BTBD9: variants seen among roughly 807,000 people sequenced by gnomAD.
The protein encoded by BTBD9 is BTB domain containing 9, also known as BTB/POZ domain-containing protein 9.
A neutral mutation model predicts 64.3 loss-of-function variants in BTBD9; 49 were observed. The observed-to-expected ratio is 0.76, with a 90% CI of 0.61 to 0.97. The LOEUF (loss-of-function observed/expected upper bound fraction) is 0.97, where lower values mean the gene tolerates loss of function less well. Ranked by LOEUF, BTBD9 falls within the 50% of genes least tolerant of loss-of-function variation. The pLI is 0.00. For synonymous variants in BTBD9, 260 were observed against 274.7 expected, an observed-to-expected ratio of 0.95 and a Z score of 0.53; for missense variants, 598 against 762.1, an observed-to-expected ratio of 0.78 and a Z score of 2.53.
intron 6 of BTBD9, among the ~76,000 whole-genome samples, chr6:38,514,789 C>T (rs2127414020): frequency 6.6e-6 from 1 of 152,278 alleles, no homozygotes; most frequent in Non-Finnish European, 1.5e-5. Flanking sequence ...TGTCTGACTT[C>T]ACCATCCACC....
At position 38,459,717 on chromosome 6, in the gene BTBD9, C is replaced by A. The variant is rs1004579273; in HGVS notation, c.1155-114624G>T. On this transcript the variant is annotated intron_variant, in intron 6 of 10. Coordinates refer to ENST00000481247, the MANE Select transcript of BTBD9 (RefSeq NM_001099272.2). ...GTTATTACAATACAGCTTAGCCTAT[C>A]CTTACCAATACACCTTCACAGTTAA... Among the ~76,000 whole-genome samples, 19 of 152,284 alleles carry A rather than the reference C, an allele frequency of 1.2e-4. No individual in the cohort carries two copies. In the East Asian group the frequency reaches 3.5e-3, roughly 28 times the overall value.
chr6:38,278,938 C>T (rs916456189), intron 8 of BTBD9, among the ~76,000 whole-genome samples: 5 of 152,180 alleles, frequency 3.3e-5, no homozygotes, highest in Admixed American at 3.3e-4. Flanking sequence ...GCATACTCTG[C>T]ATTTATCTAT....
In BTBD9 at chr6:38,184,777, C is replaced by CT. The variant is rs1388446753; in HGVS notation, c.1641+7741dup. Among the ~76,000 whole-genome samples the CT allele has an allele frequency of 6.6e-6, 1 of 152,116 alleles. No individual in the cohort carries two copies. The highest frequency in any genetic ancestry group is 1.5e-5 in the Non-Finnish European group (1 of 68,008). ...GAAGGAGCACTTGTTTCATTTTTTT[C>CT]TTTAAGAGTCTGTTTCCCTGTTTTG... On this transcript the variant is annotated intron_variant, in intron 10 of 10. Coordinates refer to ENST00000481247, the MANE Select transcript of BTBD9 (RefSeq NM_001099272.2). This position sits in a 1 kb window ranked among gnomAD's most constrained non-coding sequence, Gnocchi z 4.4.
chr6:38,448,978 T>C (rs575860464), intron 6 of BTBD9, among the ~76,000 whole-genome samples: 3 of 152,272 alleles, frequency 2.0e-5, no homozygotes, highest in Admixed American at 6.5e-5. Context: ...CATGGAGTAA[T>C]AGTGTTTAGT....
At chr6:38,261,549 T>C (rs1342749373) in intron 8 of BTBD9, among the ~76,000 whole-genome samples, 1 of 152,200 alleles carries the variant, frequency 6.6e-6, no homozygotes, top group Non-Finnish European at 1.5e-5. Context: ...GCTTGAACAT[T>C]TTACCCATTT....
At chr6:38,637,597 A>G (rs1562453509) in intron 1 of BTBD9, among the ~76,000 whole-genome samples, 2 of 152,168 alleles carry the variant, frequency 1.3e-5, no homozygotes, top group Non-Finnish European at 2.9e-5. Flanking sequence ...AGATAATCCC[A>G]AGCAAAACTA....
intron 6 of BTBD9, among the ~76,000 whole-genome samples, chr6:38,507,058 C>A (rs1772558260): frequency 6.6e-6 from 1 of 152,192 alleles, no homozygotes; most frequent in Non-Finnish European, 1.5e-5. Flanking sequence ...CTTTCCTAGG[C>A]TCTTCTCACC....
At chr6:38,238,674 C>T (rs867768587) in intron 9 of BTBD9, among the ~76,000 whole-genome samples, 13 of 151,944 alleles carry the variant, frequency 8.6e-5, no homozygotes, top group Non-Finnish European at 1.8e-4. Context: ...GGGGTTTCAC[C>T]GTGTTATCCA....
chr6:38,285,363 A>G (rs1761689218), intron 8 of BTBD9, among the ~76,000 whole-genome samples: 1 of 152,162 alleles, frequency 6.6e-6, no homozygotes, highest in African/African-American at 2.4e-5. Context: ...GAGATTCCCA[A>G]GTTTTTGGCT....
chr6:38,469,417 C>T lies in BTBD9; in HGVS notation c.1154+108183G>A, dbSNP rs1023021544. On this transcript the variant is annotated intron_variant, in intron 6 of 10. Coordinates refer to ENST00000481247, the MANE Select transcript of BTBD9 (RefSeq NM_001099272.2). Reference sequence around the variant, plus strand: ...CACTGCAACCTCCGCCTCCTGGGTTCCAGCAATTCTCCTGCTTCAGCCTCC... The same window carrying T: ...CACTGCAACCTCCGCCTCCTGGGTTTCAGCAATTCTCCTGCTTCAGCCTCC... Among the ~76,000 whole-genome samples the T allele has an allele frequency of 3.4e-5, 5 of 149,132 alleles. No individual in the cohort carries two copies. The East Asian group carries it at 1.0e-3, about 30-fold the overall frequency.
chr6:38,422,717 C>A (rs528006178), intron 6 of BTBD9, among the ~76,000 whole-genome samples: 2 of 152,306 alleles, frequency 1.3e-5, no homozygotes, highest in South Asian at 4.2e-4. Context: ...TCAGAGGTCA[C>A]GATTTGCCTC....
chr6:38,505,967 A>C (rs928701163), intron 6 of BTBD9, among the ~76,000 whole-genome samples: 1 of 107,696 alleles, frequency 9.3e-6, no homozygotes, highest in Non-Finnish European at 1.7e-5. Context: ...GTCTCAACAA[A>C]AAAAAAAAAA....
intron 10 of BTBD9, among the ~76,000 whole-genome samples, chr6:38,187,954 C>T (rs1385937327): frequency 6.6e-6 from 1 of 152,154 alleles, no homozygotes; most frequent in Non-Finnish European, 1.5e-5. Flanking sequence ...AGGCCACTGT[C>T]ACCTGAGAGC....
intron 1 of BTBD9, among the ~76,000 whole-genome samples, chr6:38,621,422 C>T (rs1777977685): frequency 6.6e-6 from 1 of 152,128 alleles, no homozygotes; most frequent in Non-Finnish European, 1.5e-5. Context: ...TTAGCTAATC[C>T]TGACCTTAAC....
chr6:38,400,712 C>T (rs765482319), intron 6 of BTBD9, among the ~76,000 whole-genome samples: 1 of 152,210 alleles, frequency 6.6e-6, no homozygotes, highest in Non-Finnish European at 1.5e-5. Flanking sequence ...AGTTTAGTCT[C>T]TCTCAGAGCA....
At chr6:38,578,815 T>C (rs1408256672) in intron 5 of BTBD9, among the ~76,000 whole-genome samples, 1 of 152,228 alleles carries the variant, frequency 6.6e-6, no homozygotes, top group African/African-American at 2.4e-5. Flanking sequence ...CCCGTGAATG[T>C]AATGCACATA....
intron 6 of BTBD9, among the ~76,000 whole-genome samples, chr6:38,478,128 T>C (rs962893704): frequency 6.6e-6 from 1 of 152,074 alleles, no homozygotes; most frequent in Non-Finnish European, 1.5e-5. Flanking sequence ...TCCTCTCTTT[T>C]CCCTCAACTG....
At chr6:38,471,665 A>T (rs6458055) in intron 6 of BTBD9, among the ~76,000 whole-genome samples, 1 of 152,092 alleles carries the variant, frequency 6.6e-6, no homozygotes, top group Non-Finnish European at 1.5e-5. Flanking sequence ...GATTACAGGT[A>T]TGAGCCACTG....
At chr6:38,314,950 C>A (rs528253879) in intron 7 of BTBD9, among the ~76,000 whole-genome samples, 4 of 152,116 alleles carry the variant, frequency 2.6e-5, no homozygotes, top group Non-Finnish European at 5.9e-5. Flanking sequence ...CCCGGGTTCA[C>A]GCTATTCTCC....
Sources: gnomAD v4.1 joint callset for allele counts (sites outside exome capture counted in the v4.1 genomes callset) on GRCh38, gnomAD v4.1.1 for gene constraint, Gnocchi (gnomAD v3.1) non-coding constraint, MANE v1.5 for transcripts, NCBI Gene and HGNC (gene_info 2026-07-23, HGNC 2026-07-21) for gene names.